Variants in B4GALT6 observed in about 807,000 individuals in gnomAD.
The protein encoded by B4GALT6 is beta-1,4-galactosyltransferase 6.
Under a neutral mutation model 46.3 loss-of-function variants are expected in B4GALT6, and 14 were observed. The observed-to-expected ratio is 0.30, with a 90% CI of 0.20 to 0.47. B4GALT6 has a LOEUF of 0.47. B4GALT6 is among the 20% of genes least tolerant of loss of function. The probability of loss-of-function intolerance (pLI) is 0.99; values close to 1 mark genes in which losing one functional copy is unlikely to be tolerated. For synonymous variants in B4GALT6, 168 were observed against 162.0 expected, an observed-to-expected ratio of 1.04 and a Z score of -0.28; for missense variants, 386 against 480.1, an observed-to-expected ratio of 0.80 and a Z score of 1.83.
the B4GALT6 span, among the ~76,000 whole-genome samples, chr18:31,700,014 CA>C: frequency 1.3e-5 from 2 of 152,042 alleles, no homozygotes; most frequent in Admixed American, 1.3e-4. Context: ...GAAGAAGGAT[CA>C]AAAACAGGCA....
chr18:31,724,222 C>G, the B4GALT6 span: 2 of 321,310 alleles, frequency 6.2e-6, no homozygotes, highest in Non-Finnish European at 1.2e-5. Flanking sequence ...CTCGGGGCTG[C>G]CCTAATGGCT....
intron 1 of B4GALT6, among the ~76,000 whole-genome samples, chr18:31,666,643 C>G (rs2074286459): frequency 6.6e-6 from 1 of 151,880 alleles, no homozygotes; most frequent in South Asian, 2.1e-4. Context: ...TATAATGAAC[C>G]CCCACATCTG....
At chr18:31,712,628 A>T in the B4GALT6 span, among the ~76,000 whole-genome samples, 8 of 152,160 alleles carry the variant, frequency 5.3e-5, no homozygotes, top group African/African-American at 1.9e-4. Context: ...TCACTTGGAC[A>T]TCTTTCCTTT....
At chr18:31,673,125 A>G (rs997384788) in intron 1 of B4GALT6, among the ~76,000 whole-genome samples, 4 of 152,184 alleles carry the variant, frequency 2.6e-5, no homozygotes, top group African/African-American at 9.7e-5. Flanking sequence ...AAGCAAGAGG[A>G]AGGAGAAAAA....
intron 1 of B4GALT6, among the ~76,000 whole-genome samples, chr18:31,669,117 T>C (rs568899900): frequency 1.2e-4 from 19 of 152,262 alleles, no homozygotes; most frequent in African/African-American, 4.6e-4. Context: ...CTGCCAGAAA[T>C]TGTATTAGGT....
At chr18:31,707,376 T>C in the B4GALT6 span, among the ~76,000 whole-genome samples, 1 of 152,016 alleles carries the variant, frequency 6.6e-6, no homozygotes, top group Non-Finnish European at 1.5e-5. Context: ...ACCCAAACAG[T>C]GTATCTGTCT....
chr18:31,627,836 T>C (rs1029716044), intron 6 of B4GALT6, among the ~76,000 whole-genome samples: 4 of 152,226 alleles, frequency 2.6e-5, no homozygotes, highest in East Asian at 1.9e-4. Flanking sequence ...TAGGTATAGA[T>C]TGGCTTTCTG....
At position 31,645,336 on chromosome 18, in the gene B4GALT6, T is replaced by C. The variant is rs921640460; in HGVS notation, c.471+19A>G. On this transcript the variant is annotated intron_variant, in intron 4 of 8. Transcript: ENST00000306851. Reference sequence around the variant, plus strand: ...TGCTCAGTAACAATCAAATTGCTTATGAAAAGAATTTACCTCACCTTCCAT... The same window carrying C: ...TGCTCAGTAACAATCAAATTGCTTACGAAAAGAATTTACCTCACCTTCCAT... The C allele has an allele frequency of 5.6e-6, 9 of 1,612,428 alleles. No homozygotes were observed. Among genetic ancestry groups the C allele is most frequent in the Admixed American group, 3.4e-5 (2 of 59,590 alleles).
chr18:31,684,569 G>C lies in B4GALT6; in HGVS notation c.-143C>G, dbSNP rs541100959. On this transcript the variant is annotated 5_prime_UTR_variant, in exon 1 of 9. Coordinates refer to ENST00000306851, the MANE Select transcript of B4GALT6 (RefSeq NM_004775.5). ...CGGGGAGGCTCTGGGGAGAGGGCCC[G>C]AGCGGAAAAGAGGAAATGGGAGGGA... The C allele has an allele frequency of 2.1e-6, 3 of 1,414,636 alleles. No homozygotes were observed. The highest frequency in any genetic ancestry group is 1.9e-6 in the Non-Finnish European group (2 of 1,079,288). 87.6% of individuals were successfully genotyped at this position (1,414,636 alleles called of 1,614,324 possible).
chr18:31,648,138 A>G (rs1353346685), intron 3 of B4GALT6, among the ~76,000 whole-genome samples: 1 of 152,206 alleles, frequency 6.6e-6, no homozygotes, highest in Non-Finnish European at 1.5e-5. Context: ...ACTGAACTCC[A>G]TGGAGAGCCA....
upstream of B4GALT6, among the ~76,000 whole-genome samples, chr18:31,690,003 G>T (rs1160249744): frequency 6.6e-6 from 1 of 152,140 alleles, no homozygotes; most frequent in Non-Finnish European, 1.5e-5. Flanking sequence ...TCGAGAGATA[G>T]CTTTCTTGTG....
At chr18:31,691,292 C>T in the B4GALT6 span, among the ~76,000 whole-genome samples, 6 of 117,426 alleles carry the variant, frequency 5.1e-5, no homozygotes, top group African/African-American at 9.0e-5. Context: ...CATAATTTTA[C>T]ATATATATAT....
intron 2 of B4GALT6, among the ~76,000 whole-genome samples, chr18:31,665,598 C>T (rs150800743): frequency 0.01 from 1,556 of 152,138 alleles, 32 homozygotes; most frequent in African/African-American, 0.035. Context: ...AAAAATTAGC[C>T]GGGCGTGGTG....
At chr18:31,668,681 T>C (rs569334335) in intron 1 of B4GALT6, among the ~76,000 whole-genome samples, 2 of 152,204 alleles carry the variant, frequency 1.3e-5, no homozygotes, top group East Asian at 1.9e-4. Context: ...AAAGTTTGAA[T>C]TGACTTCTCA....
intron 3 of B4GALT6, 49 bp downstream of exon 3, chr18:31,657,927 G>C (rs1401479960): frequency 6.9e-7 from 1 of 1,458,924 alleles, no homozygotes; most frequent in Non-Finnish European, 9.6e-7. Flanking sequence ...TTTTATGACT[G>C]TATTGTAACA....
chr18:31,640,083 G>A (rs2073910964), intron 4 of B4GALT6, among the ~76,000 whole-genome samples: 1 of 151,870 alleles, frequency 6.6e-6, no homozygotes, highest in Admixed American at 6.6e-5. Flanking sequence ...AAAATCATTA[G>A]ATTTTCAAAA....
chr18:31,634,190 C>T (rs2073827777), intron 5 of B4GALT6, among the ~76,000 whole-genome samples: 1 of 152,192 alleles, frequency 6.6e-6, no homozygotes, highest in Non-Finnish European at 1.5e-5. Flanking sequence ...TGCAGATTTA[C>T]TCAACCCCCC....
the B4GALT6 span, among the ~76,000 whole-genome samples, chr18:31,700,108 A>G: frequency 6.6e-6 from 1 of 152,222 alleles, no homozygotes; most frequent in African/African-American, 2.4e-5. Flanking sequence ...GTGGTCACAC[A>G]TAAAGAATCA....
At chr18:31,719,424 T>C in the B4GALT6 span, among the ~76,000 whole-genome samples, 1 of 152,124 alleles carries the variant, frequency 6.6e-6, no homozygotes, top group African/African-American at 2.4e-5. Context: ...TAGGCAAATA[T>C]GAAGGAAGCT....
Sources: allele counts gnomAD v4.1 joint callset (sites outside exome capture counted in the v4.1 genomes callset), GRCh38; gene constraint gnomAD v4.1.1; transcripts MANE v1.5; gene names NCBI Gene and HGNC (gene_info 2026-07-23, HGNC 2026-07-21).